Variants in FAF1 observed in about 807,000 individuals in gnomAD.
The protein encoded by FAF1 is Fas associated factor 1, also known as FAS-associated factor 1.
In FAF1, 25 loss-of-function variants were observed where a neutral mutation model predicts 92.5. The observed-to-expected ratio is 0.27, with a 90% CI of 0.20 to 0.38. FAF1 has a LOEUF of 0.38. Among genes scored for constraint, FAF1 ranks in the 10% least tolerant of loss-of-function variants. FAF1 has a pLI of 1.00. For synonymous variants in FAF1, 234 were observed against 273.2 expected, an observed-to-expected ratio of 0.86 and a Z score of 1.42; for missense variants, 636 against 793.3, an observed-to-expected ratio of 0.80 and a Z score of 2.38.
At chr1:50,899,323 C>A (rs996686134) in intron 1 of FAF1, among the ~76,000 whole-genome samples, 37 of 152,276 alleles carry the variant, frequency 2.4e-4, no homozygotes, top group South Asian at 6.2e-4. Flanking sequence ...CTTCTATCAT[C>A]TATATCATTT....
intron 6 of FAF1, among the ~76,000 whole-genome samples, chr1:50,718,901 T>TA (rs1298722484): frequency 1.1e-4 from 17 of 152,316 alleles, no homozygotes; most frequent in South Asian, 2.1e-4. Context: ...ATTCTAAACT[T>TA]ACAGAGTCAT....
chr1:50,734,502 A>G (rs1450404345), intron 6 of FAF1, among the ~76,000 whole-genome samples: 1 of 152,168 alleles, frequency 6.6e-6, no homozygotes, highest in Non-Finnish European at 1.5e-5. Context: ...TGGGAAGCCG[A>G]GGCGGGTGGA....
At chr1:50,754,458 G>A (rs1239961674) in intron 4 of FAF1, among the ~76,000 whole-genome samples, 1 of 152,088 alleles carries the variant, frequency 6.6e-6, no homozygotes, top group Admixed American at 6.6e-5. Context: ...TACCAATTTT[G>A]TTCCCACTAA....
intron 15 of FAF1, among the ~76,000 whole-genome samples, chr1:50,528,001 G>A (rs188415813): frequency 5.3e-5 from 8 of 151,954 alleles, no homozygotes; most frequent in East Asian, 1.9e-4. Context: ...CTCCCGAGTC[G>A]CTGGGACTAC....
At chr1:50,620,188 T>C (rs1274926035) in intron 8 of FAF1, among the ~76,000 whole-genome samples, 2 of 152,226 alleles carry the variant, frequency 1.3e-5, no homozygotes, top group Non-Finnish European at 2.9e-5. Flanking sequence ...ATTATAGGCG[T>C]GAGCCACCGT....
At chr1:50,875,760 T>C (rs1644566315) in intron 1 of FAF1, among the ~76,000 whole-genome samples, 1 of 152,130 alleles carries the variant, frequency 6.6e-6, no homozygotes, top group Non-Finnish European at 1.5e-5. Context: ...CTCTAATACA[T>C]ACATTCTTAT....
intron 18 of FAF1, among the ~76,000 whole-genome samples, chr1:50,472,422 C>CCCCA (rs1010417677): frequency 1.5e-5 from 2 of 131,290 alleles, no homozygotes; most frequent in African/African-American, 5.7e-5. Flanking sequence ...CACACACACA[C>CCCCA]AAACCCCAAA....
chr1:50,851,668 G>A (rs981489009), intron 2 of FAF1, among the ~76,000 whole-genome samples: 2 of 152,110 alleles, frequency 1.3e-5, no homozygotes, highest in Non-Finnish European at 2.9e-5. Context: ...CTGAACTGTT[G>A]TCTACCATAG....
intron 13 of FAF1, among the ~76,000 whole-genome samples, chr1:50,560,871 C>T (rs892642694): frequency 6.6e-6 from 1 of 152,192 alleles, no homozygotes; most frequent in African/African-American, 2.4e-5. Context: ...TGTAGCTTTC[C>T]TTGATGAAGC....
chr1:50,656,319 G>T (rs1655109032), intron 7 of FAF1, among the ~76,000 whole-genome samples: 1 of 147,776 alleles, frequency 6.8e-6, no homozygotes, highest in East Asian at 2.0e-4. Context: ...GCAACAGAGT[G>T]AGACTCCATC....
At chr1:50,730,270 T>G (rs1658861753) in intron 6 of FAF1, among the ~76,000 whole-genome samples, 1 of 152,104 alleles carries the variant, frequency 6.6e-6, no homozygotes, top group African/African-American at 2.4e-5. Flanking sequence ...TTGTTTATTT[T>G]GAAATAATTT....
At chr1:50,632,266 T>C (rs1653824582) in intron 8 of FAF1, among the ~76,000 whole-genome samples, 1 of 152,216 alleles carries the variant, frequency 6.6e-6, no homozygotes, top group Non-Finnish European at 1.5e-5. Flanking sequence ...TTACAAATAT[T>C]TGAATTTTAT....
intron 13 of FAF1, among the ~76,000 whole-genome samples, chr1:50,552,070 G>A (rs947571129): frequency 1.3e-5 from 2 of 152,010 alleles, no homozygotes; most frequent in South Asian, 2.1e-4. Context: ...CAAGGCGGGC[G>A]GATCACCTGA....
At chr1:50,759,947 C>A (rs1332080698) in intron 4 of FAF1, among the ~76,000 whole-genome samples, 2 of 152,098 alleles carry the variant, frequency 1.3e-5, no homozygotes, top group Non-Finnish European at 2.9e-5. Context: ...GCATAAATAT[C>A]TTCTTTTGAG....
At chr1:50,945,093 C>T (rs1645163564) in intron 1 of FAF1, among the ~76,000 whole-genome samples, 1 of 152,114 alleles carries the variant, frequency 6.6e-6, no homozygotes, top group African/African-American at 2.4e-5. Flanking sequence ...ATCCACATAC[C>T]AGATGCCTAT....
chr1:50,835,996 A>G (rs1006010159), intron 2 of FAF1, among the ~76,000 whole-genome samples: 1 of 152,160 alleles, frequency 6.6e-6, no homozygotes, highest in Non-Finnish European at 1.5e-5. Flanking sequence ...GCACAAAAGT[A>G]GCTGGCTATG....
chr1:50,729,058 A>AAATT (rs1553132916), intron 6 of FAF1, among the ~76,000 whole-genome samples: 2 of 70,132 alleles, frequency 2.9e-5, no homozygotes, highest in Non-Finnish European at 2.7e-5. Flanking sequence ...ATATATATAT[A>AAATT]TTTTTTTTTT....
intron 1 of FAF1, among the ~76,000 whole-genome samples, chr1:50,905,564 A>C (rs1644830807): frequency 6.6e-6 from 1 of 152,170 alleles, no homozygotes; most frequent in African/African-American, 2.4e-5. Flanking sequence ...CTGACTTTTT[A>C]ATGATCACCA....
intron 1 of FAF1, among the ~76,000 whole-genome samples, chr1:50,887,509 G>C (rs1348651652): frequency 1.3e-5 from 2 of 152,074 alleles, no homozygotes; most frequent in African/African-American, 2.4e-5. Context: ...TATGGTTTTA[G>C]GTCTAATAAT....
Sources: allele counts gnomAD v4.1 joint callset (sites outside exome capture counted in the v4.1 genomes callset), GRCh38; gene constraint gnomAD v4.1.1; transcripts MANE v1.5; gene names NCBI Gene and HGNC (gene_info 2026-07-23, HGNC 2026-07-21).